RNF213: variants seen among roughly 807,000 people sequenced by gnomAD.
RNF213 encodes the protein E3 ubiquitin-protein ligase RNF213.
A neutral mutation model predicts 514.4 loss-of-function variants in RNF213; 341 were observed. The ratio of observed to expected loss-of-function variants is 0.66; its 90% CI spans 0.61 to 0.73. The LOEUF is 0.73. Among genes scored for constraint, RNF213 ranks in the 30% least tolerant of loss-of-function variants. RNF213 has a pLI of 0.00. For synonymous variants in RNF213, 2,655 were observed against 2,658.2 expected (o/e 1.00, Z 0.04); for missense variants, 5,767 against 6,615.6 (o/e 0.87, Z 4.45).
At position 80,386,870 on chromosome 17, in the gene RNF213, C is replaced by T; in HGVS notation, c.14901C>T (p.Gly4967=). ...QRQIVSRFLQ[G]KPRLSLKGIP... ...AGATCGTCAGCCGCTTCCTCCAGGGCAAGCCCCGGCTGAGCCTCAAGGTAG... is the reference window on the plus strand; with the variant it reads ...AGATCGTCAGCCGCTTCCTCCAGGGTAAGCCCCGGCTGAGCCTCAAGGTAG... The change falls in exon 63 of 68, where the codon GGC becomes GGT. Residue 4967 remains glycine (G), a synonymous_variant. Coordinates refer to ENST00000582970, the MANE Select transcript of RNF213 (RefSeq NM_001256071.3). 2 of 1,613,220 alleles carry T rather than the reference C, an allele frequency of 1.2e-6. No individual in the cohort carries two copies. Among genetic ancestry groups the T allele is most frequent in the South Asian group, 1.1e-5 (1 of 90,976 alleles).
chr17:80,265,074 T>C (rs1258353596), intron 2 of RNF213, among the ~76,000 whole-genome samples: 3 of 150,680 alleles, frequency 2.0e-5, no homozygotes, highest in Admixed American at 6.6e-5. Flanking sequence ...AGGGAGTTTT[T>C]TTGTTCTTGT....
chr17:80,281,055 A>T (rs1598908705), intron 3 of RNF213, among the ~76,000 whole-genome samples: 2 of 149,654 alleles, frequency 1.3e-5, no homozygotes, highest in Non-Finnish European at 1.5e-5. Context: ...CACACACTCC[A>T]CTCACCCCAG....
chr17:80,381,822 T>G (rs1464888280), intron 57 of RNF213, 95 bp downstream of exon 57: 1 of 1,138,404 alleles, frequency 8.8e-7, no homozygotes, highest in Non-Finnish European at 1.3e-6. Flanking sequence ...ACACAGCCAG[T>G]CTGAGCTCTG....
At chr17:80,393,313 T>C (rs2080559092) in intron 67 of RNF213, 32 bp from the exon 68 acceptor site, 1 of 1,609,956 alleles carries the variant, frequency 6.2e-7, no homozygotes, top group Non-Finnish European at 8.5e-7. Flanking sequence ...CTGAGGAGAC[T>C]GTTTTAAATG....
intron 17 of RNF213, 178 bp downstream of exon 17, chr17:80,319,490 G>C: frequency 6.2e-7 from 1 of 1,613,940 alleles, no homozygotes; most frequent in South Asian, 1.1e-5. Context: ...GTTCTCTCCG[G>C]ATTCCTCAGT....
intron 3 of RNF213, among the ~76,000 whole-genome samples, chr17:80,281,004 G>A (rs2044236664): frequency 6.6e-6 from 1 of 151,796 alleles, no homozygotes; most frequent in African/African-American, 2.4e-5. Flanking sequence ...GGTGTGGAAA[G>A]TGGGGTGTCT....
rs201538272 is a variant in RNF213, at chr17:80,284,551, G to GA, written c.262-3252dup. ...AGAGTGAGACTCCATCTCAAAAAAA[G>GA]AAAAAAAAAAAAGCCTTTGAATTGC... On this transcript the variant is annotated intron_variant, in intron 3 of 67. Coordinates refer to ENST00000582970, the MANE Select transcript of RNF213 (RefSeq NM_001256071.3). 8.2e-3 allele frequency among the ~76,000 whole-genome samples: 1,052 copies of GA among 128,850 alleles called. 8 individuals carry two copies. The highest frequency in any genetic ancestry group is 0.027 in the African/African-American group (959 of 35,302). The allele number at this position is 128,850 out of a possible 152,430, so 84.5% of individuals were successfully genotyped here.
rs2078277031 is a variant in RNF213, at chr17:80,345,390, A to G, written c.7055A>G (p.Gln2352Arg). Reference protein sequence around the residue: ...KRDVMTRDLYQGLLLQRVPFN... With the variant: ...KRDVMTRDLYRGLLLQRVPFN... ...GACGTCATGACCAGGGACCTGTACC[A>G]GGGCCTGCTGCTCCAGAGGGTGCCC... is the stretch of plus-strand genomic sequence containing the variant. Residue 2352 changes from glutamine (Q) to arginine (R), a missense_variant, in exon 29 of 68, where the codon CAG becomes CGG. Around this residue, in one of 13 missense-constraint regions of RNF213, gnomAD observed 1,377 missense variants for 1,635.2 expected, o/e 0.84. Transcript: ENST00000582970. This position sits in a 1 kb window ranked among gnomAD's most constrained non-coding sequence, Gnocchi z 6.0. The G allele has an allele frequency of 6.2e-7, 1 of 1,614,094 alleles. No individual in the cohort carries two copies. The highest frequency in any genetic ancestry group is 8.5e-7 in the Non-Finnish European group (1 of 1,180,030).
At chr17:80,298,687 G>A in intron 11 of RNF213, 169 bp downstream of exon 11, 3 of 744,338 alleles carry the variant, frequency 4.0e-6, no homozygotes, top group South Asian at 1.6e-5. Flanking sequence ...AGAATAGGCT[G>A]TGCACAGTGG....
At position 80,343,401 on chromosome 17, in the gene RNF213, C is replaced by A; in HGVS notation, c.6183+76C>A. The A allele has an allele frequency of 7.9e-7, 1 of 1,266,158 alleles. No homozygotes were observed. The highest frequency in any genetic ancestry group is 1.1e-6 in the Non-Finnish European group (1 of 885,326). 78.4% of individuals were successfully genotyped at this position (1,266,158 alleles called of 1,614,324 possible). On this transcript the variant is annotated intron_variant, in intron 27 of 67. Transcript: ENST00000582970. This position sits in a 1 kb window ranked among gnomAD's most constrained non-coding sequence, Gnocchi z 4.3. ...CCCATGTCTCTGCGTGACTCCTCCCCGTGTATAGAATTCCTTGTTTCCACA... is the reference window on the plus strand; with the variant it reads ...CCCATGTCTCTGCGTGACTCCTCCCAGTGTATAGAATTCCTTGTTTCCACA...
At chr17:80,268,012 G>T (rs774155915) in intron 2 of RNF213, among the ~76,000 whole-genome samples, 5 of 151,750 alleles carry the variant, frequency 3.3e-5, no homozygotes, top group African/African-American at 4.8e-5. Flanking sequence ...TAGAGATAGG[G>T]TTTCTCCATA....
chr17:80,295,805 A>G lies in RNF213; in HGVS notation c.2004A>G (p.Ile668Met), dbSNP rs1372573268. Reference protein sequence around the residue: ...FHRDLSHILGIPQSWRLYLVN... With the variant: ...FHRDLSHILGMPQSWRLYLVN... ...GTGACCTAAGCCACATCCTTGGGAT[A>G]CCTCAGAGGTATTATTATTTTTTGT... The change falls in exon 10 of 68, where the codon ATA (isoleucine) becomes ATG (methionine). Residue 668 changes from isoleucine to methionine, a missense_variant. Ile to Met is a conservative substitution (Grantham distance 10). Around this residue, in one of 13 missense-constraint regions of RNF213, gnomAD observed 592 missense variants for 673.9 expected, o/e 0.88. Transcript: ENST00000582970. 1.9e-6 allele frequency: 3 copies of G among 1,614,194 alleles called. No individual in the cohort carries two copies. Among genetic ancestry groups the G allele is most frequent in the Non-Finnish European group, 2.5e-6 (3 of 1,180,020 alleles).
chr17:80,313,579 A>AGGTGGTGGAGGTGAT (rs1568050938), intron 15 of RNF213, among the ~76,000 whole-genome samples: 2 of 103,606 alleles, frequency 1.9e-5, no homozygotes, highest in Non-Finnish European at 4.0e-5. Flanking sequence ...GTGGTCATGG[A>AGGTGGTGGAGGTGAT]GGTGGTGGAG....
intron 2 of RNF213, among the ~76,000 whole-genome samples, chr17:80,271,708 G>C (rs2043827619): frequency 6.6e-6 from 1 of 152,224 alleles, no homozygotes; most frequent in South Asian, 2.1e-4. Context: ...GCCGGGTGTG[G>C]TGGCTCAAGC....
At chr17:80,300,994 T>A in intron 11 of RNF213, among the ~76,000 whole-genome samples, 1 of 152,212 alleles carries the variant, frequency 6.6e-6, no homozygotes, top group Admixed American at 6.5e-5. Flanking sequence ...TGCTTGTTTT[T>A]TTTTCTTGTA....
chr17:80,338,451 G>T (rs1249347911), intron 25 of RNF213, among the ~76,000 whole-genome samples: 1 of 152,066 alleles, frequency 6.6e-6, no homozygotes, highest in Non-Finnish European at 1.5e-5. Flanking sequence ...TTTTATTATA[G>T]GTTCTTTCTC....
Position 80,340,240 on chromosome 17 carries a change from C to T in RNF213, c.5873C>T (p.Ala1958Val). 6.2e-7 allele frequency: 1 copy of T among 1,614,144 alleles called. No homozygotes were observed. The highest frequency in any genetic ancestry group is 8.5e-7 in the Non-Finnish European group (1 of 1,180,022). ...VFVTPQAPLE[A>V]IQAYLAGHYR... The stretch of plus-strand genomic sequence containing the variant: ...GTCACCCCCCAGGCACCCCTCGAGG[C>T]CATCCAAGCCTACCTGGCAGGTCAC... Residue 1958 changes from alanine (A) to valine (V), a missense_variant, in exon 26 of 68, where the codon GCC becomes GTC. Physicochemically the swap from Ala to Val is moderately conservative, Grantham distance 64 (BLOSUM62 0). This residue lies in a region of RNF213 where 1,377 missense variants were observed against 1,635.2 expected (regional missense o/e 0.84). Coordinates refer to ENST00000582970, the MANE Select transcript of RNF213 (RefSeq NM_001256071.3).
In RNF213 at chr17:80,377,833, G is replaced by A. The variant is rs746434670; in HGVS notation, c.13545+37G>A. The stretch of plus-strand genomic sequence containing the variant: ...TATTTAAGATAGGGTTTGAGGGGTG[G>A]CGTGCACTCCTGGGTTGGAGGAGGG... On this transcript the variant is annotated intron_variant, in intron 54 of 67. Coordinates refer to ENST00000582970, the MANE Select transcript of RNF213 (RefSeq NM_001256071.3). This position sits in a 1 kb window ranked among gnomAD's most constrained non-coding sequence, Gnocchi z 4.1. 2 of 1,611,964 alleles carry A rather than the reference G, an allele frequency of 1.2e-6. No individual in the cohort carries two copies. Among genetic ancestry groups the A allele is most frequent in the East Asian group, 2.2e-5 (1 of 44,868 alleles).
At chr17:80,306,543 G>C in intron 12 of RNF213, 75 bp downstream of exon 12, 1 of 1,436,316 alleles carries the variant, frequency 7.0e-7, no homozygotes, top group Non-Finnish European at 9.7e-7. Flanking sequence ...GAAAGCTCAG[G>C]ATTCTTATTC....
Sources: gnomAD v4.1 joint callset for allele counts (sites outside exome capture counted in the v4.1 genomes callset) on GRCh38, gnomAD v4.1.1 for gene constraint, gnomAD v4.1.1 regional missense constraint, Gnocchi (gnomAD v3.1) non-coding constraint, MANE v1.5 for transcripts, NCBI Gene and HGNC (gene_info 2026-07-23, HGNC 2026-07-21) for gene names.